The following TULP4 variants were observed in gnomAD, a reference collection of about 807,000 sequenced individuals.
TULP4 encodes tubby-related protein 4.
TULP4 carries 16 observed loss-of-function variants against 129.0 expected under a neutral mutation model. The observed-to-expected ratio is 0.12, with a 90% CI of 0.08 to 0.19. The LOEUF (loss-of-function observed/expected upper bound fraction) is 0.19, where lower values mean the gene tolerates loss of function less well. Ranked by LOEUF, TULP4 falls within the 10% of genes least tolerant of loss-of-function variation. The pLI is 1.00. For synonymous variants in TULP4, 998 were observed against 854.0 expected (o/e 1.17, Z -2.94); for missense variants, 1,842 against 2,059.1 (o/e 0.89, Z 2.04).
chr6:158,329,801 C>T (rs1005191869), intron 1 of TULP4, among the ~76,000 whole-genome samples: 3 of 138,046 alleles, frequency 2.2e-5, no homozygotes, highest in Admixed American at 7.9e-5. Flanking sequence ...ATTTTGTTTT[C>T]CTTTAATTGT....
At chr6:158,479,627 G>A (rs771734044) in intron 6 of TULP4, 124 bp from the exon 7 acceptor site, 2 of 858,784 alleles carry the variant, frequency 2.3e-6, no homozygotes, top group Non-Finnish European at 3.6e-6. Context: ...TCTCTACTGT[G>A]CTTTTAAAAC....
chr6:158,446,131 T>C (rs1779032027), intron 3 of TULP4, among the ~76,000 whole-genome samples: 1 of 152,220 alleles, frequency 6.6e-6, no homozygotes, highest in African/African-American at 2.4e-5. Context: ...TTTGCTCACA[T>C]AAGCTTTATC....
intron 6 of TULP4, among the ~76,000 whole-genome samples, chr6:158,470,240 C>T (rs1167251842): frequency 1.3e-5 from 2 of 152,142 alleles, no homozygotes; most frequent in African/African-American, 4.8e-5. Context: ...GGCGGGTCTG[C>T]GACGGCGGCA....
chr6:158,322,487 A>G (rs1195420302), intron 1 of TULP4, among the ~76,000 whole-genome samples: 1 of 152,188 alleles, frequency 6.6e-6, no homozygotes, highest in Non-Finnish European at 1.5e-5. Context: ...TGTTTTTGGA[A>G]GGGCTGTGAA....
At chr6:158,444,981 C>CTT (rs1475184613) in intron 3 of TULP4, among the ~76,000 whole-genome samples, 1 of 152,076 alleles carries the variant, frequency 6.6e-6, no homozygotes, top group African/African-American at 2.4e-5. Flanking sequence ...CCTGATACAT[C>CTT]TTTTTGTTTT....
rs1017379881 is a variant in TULP4, at chr6:158,511,635, G to C, written c.*4941G>C. The C allele has an allele frequency of 6.6e-6, 1 of 152,498 alleles. No individual in the cohort carries two copies. The highest frequency in any genetic ancestry group is 1.5e-5 in the Non-Finnish European group (1 of 68,018). The allele number at this position is 152,498 out of a possible 1,614,324, so 9.4% of individuals were successfully genotyped here. On this transcript the variant is annotated 3_prime_UTR_variant, in exon 14 of 14. Coordinates refer to ENST00000367097, the MANE Select transcript of TULP4 (RefSeq NM_020245.5). The stretch of plus-strand genomic sequence containing the variant: ...CATCCTTATTTGCCTTTCTTCTTAC[G>C]TATTTTGTGTATTAGATTGTGCAGG...
chr6:158,391,382 C>T lies in TULP4; in HGVS notation c.253-21683C>T, dbSNP rs149343130. ...TAATAATTGTATGTGTAGAGTGCAT[C>T]GTGTCACCCAGGGCAAAGGCAGGGA... On this transcript the variant is annotated intron_variant, in intron 1 of 13. Transcript: ENST00000367097. 4.7e-3 allele frequency among the ~76,000 whole-genome samples: 715 copies of T among 152,272 alleles called. 4 individuals carry two copies. The highest frequency in any genetic ancestry group is 0.016 in the African/African-American group (669 of 41,558).
chr6:158,256,790 T>G (rs988178348), intron 1 of TULP4, among the ~76,000 whole-genome samples: 5 of 152,168 alleles, frequency 3.3e-5, no homozygotes, highest in Non-Finnish European at 7.3e-5. Context: ...TATTAATTAG[T>G]GGAGTTGTAA....
chr6:158,244,299 G>GA, intron 1 of TULP4, among the ~76,000 whole-genome samples: 1 of 151,626 alleles, frequency 6.6e-6, no homozygotes, highest in East Asian at 1.9e-4. Context: ...ATTTTTAAAA[G>GA]AAAAAAAACC....
At chr6:158,459,862 C>T (rs950767916) in intron 5 of TULP4, among the ~76,000 whole-genome samples, 1 of 152,190 alleles carries the variant, frequency 6.6e-6, no homozygotes, top group Non-Finnish European at 1.5e-5. Context: ...AGAACGTCAT[C>T]TCAGTTTCCT....
At chr6:158,309,510 C>A (rs374818232), upstream of TULP4, among the ~76,000 whole-genome samples, 2 of 151,958 alleles carry the variant, frequency 1.3e-5, no homozygotes, top group Non-Finnish European at 2.9e-5. Context: ...AGAGGCTGCA[C>A]TCTCGGCGCT....
At chr6:158,440,637 G>A (rs1778871268) in intron 3 of TULP4, among the ~76,000 whole-genome samples, 1 of 152,200 alleles carries the variant, frequency 6.6e-6, no homozygotes, top group Admixed American at 6.5e-5. Context: ...AATGGTTCTT[G>A]TCAAAATCAG....
At chr6:158,436,609 G>A (rs1778759424) in intron 3 of TULP4, among the ~76,000 whole-genome samples, 1 of 152,158 alleles carries the variant, frequency 6.6e-6, no homozygotes, top group Non-Finnish European at 1.5e-5. Flanking sequence ...GTTTTTGCTA[G>A]CAATATCCAG....
At chr6:158,339,627 A>G (rs1020436397) in intron 1 of TULP4, among the ~76,000 whole-genome samples, 2 of 152,162 alleles carry the variant, frequency 1.3e-5, no homozygotes, top group African/African-American at 4.8e-5. Context: ...CTTACTGGGG[A>G]AAGAATTCAG....
intron 1 of TULP4, among the ~76,000 whole-genome samples, chr6:158,249,243 T>G (rs1037850718): frequency 3.3e-5 from 5 of 152,168 alleles, no homozygotes; most frequent in African/African-American, 1.2e-4. Context: ...AATGAGAAAC[T>G]CAGTCTTATG....
chr6:158,252,047 C>T (rs1778150929), intron 1 of TULP4, among the ~76,000 whole-genome samples: 1 of 152,226 alleles, frequency 6.6e-6, no homozygotes, highest in Admixed American at 6.5e-5. Context: ...GAAGGAGATT[C>T]TGAATGTGAG....
chr6:158,403,551 G>C lies in TULP4; in HGVS notation c.253-9514G>C, dbSNP rs576662960. ...GACGGGGTTTCTCCATGTTGGTCAGGCTGGTCTTGAACTCCTGACCTCAGG... is the reference window on the plus strand; with the variant it reads ...GACGGGGTTTCTCCATGTTGGTCAGCCTGGTCTTGAACTCCTGACCTCAGG... On this transcript the variant is annotated intron_variant, in intron 1 of 13. Transcript: ENST00000367097. Among the ~76,000 whole-genome samples the C allele has an allele frequency of 1.1e-3, 168 of 152,218 alleles. 1 individual carries two copies. The highest frequency in any genetic ancestry group is 3.9e-3 in the African/African-American group (160 of 41,544).
intron 1 of TULP4, among the ~76,000 whole-genome samples, chr6:158,371,471 T>C (rs1262675792): frequency 6.6e-6 from 1 of 152,200 alleles, no homozygotes; most frequent in Non-Finnish European, 1.5e-5. Flanking sequence ...ATCAGTTAAA[T>C]ATTAGTATTA....
intron 1 of TULP4, among the ~76,000 whole-genome samples, chr6:158,336,669 C>G (rs1489023566): frequency 3.3e-5 from 5 of 152,132 alleles, no homozygotes; most frequent in African/African-American, 7.2e-5. Context: ...ACTTTGAGAC[C>G]TGCCAGGCAA....
Sources: allele counts gnomAD v4.1 joint callset (sites outside exome capture counted in the v4.1 genomes callset), GRCh38; gene constraint gnomAD v4.1.1; transcripts MANE v1.5; gene names NCBI Gene and HGNC (gene_info 2026-07-23, HGNC 2026-07-21).